ABAT: variants seen among roughly 807,000 people sequenced by gnomAD.
ABAT encodes the protein 4-aminobutyrate aminotransferase.
A neutral mutation model predicts 64.6 loss-of-function variants in ABAT; 45 were observed. The ratio of observed to expected loss-of-function variants is 0.70; its 90% CI spans 0.55 to 0.89. ABAT has a LOEUF of 0.89. Ranked by LOEUF, ABAT falls within the 40% of genes least tolerant of loss-of-function variation. The pLI is 0.00. For missense variants in ABAT, 633 were observed against 658.4 expected, an observed-to-expected ratio of 0.96 and a Z score of 0.42; for synonymous variants, 297 against 250.5, an observed-to-expected ratio of 1.19 and a Z score of -1.75.
intron 1 of ABAT, among the ~76,000 whole-genome samples, chr16:8,733,262 C>T (rs1357989242): frequency 6.6e-6 from 1 of 151,494 alleles, no homozygotes; most frequent in Non-Finnish European, 1.5e-5. Flanking sequence ...CTCCTCACTT[C>T]CTAGATGTGA....
At chr16:8,763,785 T>G (rs1339002632) in intron 6 of ABAT, among the ~76,000 whole-genome samples, 1 of 152,158 alleles carries the variant, frequency 6.6e-6, no homozygotes, top group African/African-American at 2.4e-5. Flanking sequence ...AAGAGCCCCA[T>G]GTACGCTTCG....
chr16:8,737,984 G>A lies in ABAT; in HGVS notation c.70+2175G>A, dbSNP rs1277474963. Among the ~76,000 whole-genome samples, 104 of 75,512 alleles carry A rather than the reference G, an allele frequency of 1.4e-3. 16 individuals are homozygous for A. The highest frequency in any genetic ancestry group is 3.4e-3 in the African/African-American group (51 of 15,218). The allele number at this position is 75,512 out of a possible 152,430, so 49.5% of individuals were successfully genotyped here. ...AGGAAGGAAGGAAGGAAGGAAGGAA[G>A]GAAGGAGGAAAGAAAGAAAGAAAGA... On this transcript the variant is annotated intron_variant, in intron 2 of 15. Coordinates refer to ENST00000268251, the MANE Select transcript of ABAT (RefSeq NM_020686.6).
chr16:8,703,611 AG>A (rs1434289027), intron 1 of ABAT, among the ~76,000 whole-genome samples: 1 of 152,224 alleles, frequency 6.6e-6, no homozygotes, highest in Non-Finnish European at 1.5e-5. Flanking sequence ...ACATGTTAGC[AG>A]AAAAAGGAGA....
Position 8,719,887 on chromosome 16 carries a change from C to T in ABAT, c.-41-15812C>T, listed in dbSNP as rs1433601971. On this transcript the variant is annotated intron_variant, in intron 1 of 15. Coordinates refer to ENST00000268251, the MANE Select transcript of ABAT (RefSeq NM_020686.6). ...AGAGCAGTGGCACGACCTCTACTCA[C>T]TGCAACATTCGGTTCTCAGGTTTAA... Among the ~76,000 whole-genome samples the T allele has an allele frequency of 3.9e-5, 6 of 152,354 alleles. No homozygotes were observed. The East Asian group carries it at 1.2e-3, about 29-fold the overall frequency.
chr16:8,779,923 C>A (rs1193226741), intron 15 of ABAT, among the ~76,000 whole-genome samples: 1 of 152,168 alleles, frequency 6.6e-6, no homozygotes, highest in Non-Finnish European at 1.5e-5. Flanking sequence ...CATTTCACAA[C>A]CAATCCATTG....
At chr16:8,743,706 T>A (rs1414353971) in intron 2 of ABAT, among the ~76,000 whole-genome samples, 7 of 120,106 alleles carry the variant, frequency 5.8e-5, no homozygotes, top group Admixed American at 3.7e-4. Flanking sequence ...ATTTTAGTTA[T>A]ATATGTAGTT....
At chr16:8,704,403 G>A (rs969161613) in intron 1 of ABAT, among the ~76,000 whole-genome samples, 1 of 152,160 alleles carries the variant, frequency 6.6e-6, no homozygotes, top group Non-Finnish European at 1.5e-5. Context: ...CTCATGCCCT[G>A]GTGAAGTATC....
At chr16:8,686,352 C>G (rs1165026575) in intron 1 of ABAT, among the ~76,000 whole-genome samples, 2 of 152,222 alleles carry the variant, frequency 1.3e-5, no homozygotes, top group African/African-American at 2.4e-5. Context: ...AAAAGAGCCA[C>G]ACACAGAAGA....
intron 1 of ABAT, among the ~76,000 whole-genome samples, chr16:8,680,034 C>T (rs2057296122): frequency 6.6e-6 from 1 of 152,178 alleles, no homozygotes; most frequent in African/African-American, 2.4e-5. Flanking sequence ...AGTTTTCCTC[C>T]TCCTTCAAAA....
intron 1 of ABAT, among the ~76,000 whole-genome samples, chr16:8,695,060 C>T (rs1267808969): frequency 6.6e-6 from 1 of 152,236 alleles, no homozygotes; most frequent in Non-Finnish European, 1.5e-5. Context: ...CCCTTTAGTA[C>T]CTGGGGACAA....
At chr16:8,678,507 G>A (rs1293391708) in intron 1 of ABAT, among the ~76,000 whole-genome samples, 3 of 152,174 alleles carry the variant, frequency 2.0e-5, no homozygotes, top group South Asian at 2.1e-4. Context: ...ACCATCACCC[G>A]CTTCTCCACC....
intron 1 of ABAT, among the ~76,000 whole-genome samples, chr16:8,691,216 G>A (rs1314188733): frequency 6.6e-6 from 1 of 151,982 alleles, no homozygotes; most frequent in Non-Finnish European, 1.5e-5. Context: ...ACCCTCTCTG[G>A]GAACCCCACA....
At chr16:8,675,779 C>T (rs2057185019) in intron 1 of ABAT, among the ~76,000 whole-genome samples, 1 of 152,214 alleles carries the variant, frequency 6.6e-6, no homozygotes, top group African/African-American at 2.4e-5. Flanking sequence ...GCTCCCTGCC[C>T]CAACACACGC....
chr16:8,722,491 T>G (rs181895821), intron 1 of ABAT, among the ~76,000 whole-genome samples: 320 of 152,208 alleles, frequency 2.1e-3, no homozygotes, highest in Admixed American at 5.8e-3. Context: ...CTTTTTTAAA[T>G]TGAAAAAGCA....
chr16:8,761,262 C>T (rs1440560245), intron 6 of ABAT, among the ~76,000 whole-genome samples: 1 of 151,116 alleles, frequency 6.6e-6, no homozygotes, highest in East Asian at 2.0e-4. Flanking sequence ...ACATCTCCCA[C>T]TTGGCTTTCT....
intron 6 of ABAT, chr16:8,759,998 T>C (rs1327538053): frequency 6.6e-6 from 1 of 152,264 alleles, no homozygotes; most frequent in African/African-American, 2.4e-5. Context: ...AGCGTTCCCC[T>C]CTGCGGATAT....
Position 8,779,605 on chromosome 16 carries a change from G to C in ABAT, c.1381+15G>C. 6.2e-7 allele frequency: 1 copy of C among 1,604,598 alleles called. No homozygotes were observed. The highest frequency in any genetic ancestry group is 8.5e-7 in the Non-Finnish European group (1 of 1,172,508). ...CAGAAACAAAGGTAAGGGGTCAGGA[G>C]TGGCTGCTGAGTTTCATGAGCATCC... On this transcript the variant is annotated intron_variant, in intron 15 of 15. Transcript: ENST00000268251.
intron 1 of ABAT, among the ~76,000 whole-genome samples, chr16:8,719,083 T>G (rs1440625817): frequency 1.3e-5 from 2 of 152,338 alleles, no homozygotes; most frequent in Admixed American, 6.5e-5. Flanking sequence ...ACCTGATTTG[T>G]TTGTTGCTTG....
intron 1 of ABAT, among the ~76,000 whole-genome samples, chr16:8,723,747 T>C (rs2058442308): frequency 6.6e-6 from 1 of 150,538 alleles, no homozygotes. Flanking sequence ...CAGAGCATTT[T>C]TGTAAGTTTC....
Sources: gnomAD v4.1 joint callset for allele counts (sites outside exome capture counted in the v4.1 genomes callset) on GRCh38, gnomAD v4.1.1 for gene constraint, MANE v1.5 for transcripts, NCBI Gene and HGNC (gene_info 2026-07-23, HGNC 2026-07-21) for gene names.